The following NOTCH2NLB variants were observed in gnomAD, a reference collection of about 807,000 sequenced individuals.
NOTCH2NLB encodes the protein notch 2 N-terminal like B.
NOTCH2NLB carries 1 observed loss-of-function variant against 14.8 expected under a neutral mutation model. That is an observed-to-expected ratio of 0.07 (90% CI 0.02 to 0.32). The LOEUF is 0.32. Among genes scored for constraint, NOTCH2NLB ranks in the 10% least tolerant of loss-of-function variants. NOTCH2NLB has a pLI of 1.00. For synonymous variants in NOTCH2NLB, 6 were observed against 57.5 expected (o/e 0.10, Z 4.05); for missense variants, 11 against 155.0 (o/e 0.07, Z 4.93).
Position 148,679,541 on chromosome 1 carries a change from G to A in NOTCH2NLB, c.-77C>T. On this transcript the variant is annotated 5_prime_UTR_variant, in exon 1 of 5. The change creates a premature stop within an existing upstream ORF in the 5' untranslated region. Coordinates refer to ENST00000593495, the Ensembl canonical transcript of NOTCH2NLB. ...CGGGGCGCAGGGCGGGCATCTTCTC[G>A]GTCGCCTCCTCCGCCGCCGCCGCCT... The A allele has an allele frequency of 8.8e-7, 1 of 1,131,702 alleles. No individual in the cohort carries two copies. The highest frequency in any genetic ancestry group is 1.1e-6 in the Non-Finnish European group (1 of 873,474). The allele number at this position is 1,131,702 out of a possible 1,614,324, so 70.1% of individuals were successfully genotyped here. A position where few individuals can be genotyped will look rare whatever the true frequency, so the allele number is the denominator to read the frequency against.
intron 1 of NOTCH2NLB, among the ~76,000 whole-genome samples, chr1:148,670,282 T>C (rs1267180612): frequency 2.4e-5 from 3 of 123,986 alleles, no homozygotes. Flanking sequence ...AAAGAGCTTT[T>C]TCAAACCAGT....
At chr1:148,661,068 C>T (rs1664670359) in intron 1 of NOTCH2NLB, among the ~76,000 whole-genome samples, 1 of 146,504 alleles carries the variant, frequency 6.8e-6, no homozygotes, top group Admixed American at 6.8e-5. Context: ...TTCATGTGGC[C>T]TCAAAGAAAT....
chr1:148,674,859 CA>C (rs1278629441), intron 1 of NOTCH2NLB, among the ~76,000 whole-genome samples: 1 of 133,608 alleles, frequency 7.5e-6, no homozygotes, highest in African/African-American at 2.7e-5. Flanking sequence ...TCTCTTGGTT[CA>C]AAAAAAAAAA....
chr1:148,658,598 T>G (rs1664573868), intron 1 of NOTCH2NLB, among the ~76,000 whole-genome samples: 1 of 51,836 alleles, frequency 1.9e-5, no homozygotes, highest in Non-Finnish European at 3.3e-5. Flanking sequence ...GATCTTGCTC[T>G]GTCACCCAGA....
intron 1 of NOTCH2NLB, among the ~76,000 whole-genome samples, chr1:148,661,380 T>C (rs1332914776): frequency 6.7e-6 from 1 of 149,948 alleles, no homozygotes; most frequent in Non-Finnish European, 1.5e-5. Context: ...ACACACAGAG[T>C]TAAATCAGAG....
exon 1 of NOTCH2NLB, chr1:148,679,728 A>C: frequency 1.0e-6 from 1 of 992,026 alleles, no homozygotes; most frequent in Non-Finnish European, 1.3e-6. Context: ...CCGCCGCCTC[A>C]GCCGCCCGAA....
At chr1:148,616,538 TG>T (rs1663802403) in intron 2 of NOTCH2NLB, among the ~76,000 whole-genome samples, 1 of 151,298 alleles carries the variant, frequency 6.6e-6, no homozygotes, top group Non-Finnish European at 1.5e-5. Flanking sequence ...TATGTTCAGG[TG>T]GCTGACATTA....
chr1:148,679,555 C>T lies in NOTCH2NLB; in HGVS notation c.-91G>A, dbSNP rs1482251712. 3.5e-6 allele frequency: 4 copies of T among 1,131,216 alleles called. 1 individual carries two copies. Among genetic ancestry groups the T allele is most frequent in the Admixed American group, 3.4e-5 (1 of 29,266 alleles). The allele number at this position is 1,131,216 out of a possible 1,614,324, so 70.1% of individuals were successfully genotyped here. A position where few individuals can be genotyped will look rare whatever the true frequency, so the allele number is the denominator to read the frequency against. Reference sequence around the variant, plus strand: ...GGCATCTTCTCGGTCGCCTCCTCCGCCGCCGCCGCCTGGGCAGATCCACAT... The same window carrying T: ...GGCATCTTCTCGGTCGCCTCCTCCGTCGCCGCCGCCTGGGCAGATCCACAT... On this transcript the variant is annotated 5_prime_UTR_variant, in exon 1 of 5. Coordinates refer to ENST00000593495, the Ensembl canonical transcript of NOTCH2NLB.
chr1:148,670,555 T>TATATATATATATATATATATATATAC (rs1664754010), intron 1 of NOTCH2NLB, among the ~76,000 whole-genome samples: 1 of 127,152 alleles, frequency 7.9e-6, no homozygotes, highest in Non-Finnish European at 1.7e-5. Flanking sequence ...TATATATACA[T>TATATATATATATATATATATATATAC]ATATATATAT....
At chr1:148,634,406 CAAG>C (rs1454369214) in intron 2 of NOTCH2NLB, among the ~76,000 whole-genome samples, 2 of 137,616 alleles carry the variant, frequency 1.5e-5, no homozygotes, top group East Asian at 4.3e-4. Flanking sequence ...AATGCACTCA[CAAG>C]AAGGTGAAGG....
chr1:148,693,100 C>G, the NOTCH2NLB span, among the ~76,000 whole-genome samples: 1 of 101,210 alleles, frequency 9.9e-6, no homozygotes, highest in Non-Finnish European at 1.9e-5. Flanking sequence ...CCCCCCCCCC[C>G]CACCATCCAT....
At chr1:148,673,687 A>G (rs1193489810) in intron 1 of NOTCH2NLB, among the ~76,000 whole-genome samples, 1 of 151,232 alleles carries the variant, frequency 6.6e-6, no homozygotes, top group Admixed American at 6.6e-5. Flanking sequence ...CTTATACCAT[A>G]GCAGCTTTCT....
chr1:148,625,584 G>A (rs1477274392), intron 2 of NOTCH2NLB, among the ~76,000 whole-genome samples: 1 of 115,756 alleles, frequency 8.6e-6, no homozygotes, highest in Non-Finnish European at 1.7e-5. Context: ...TACTCCCTCT[G>A]GGCTAGTTTC....
intron 3 of NOTCH2NLB, among the ~76,000 whole-genome samples, chr1:148,615,155 G>A (rs1479940789): frequency 7.1e-5 from 10 of 141,632 alleles, no homozygotes; most frequent in Admixed American, 1.4e-4. Context: ...TTTTTTTTGA[G>A]ACAGGGTCTC....
chr1:148,670,577 TAA>T (rs1270098712), intron 1 of NOTCH2NLB, among the ~76,000 whole-genome samples: 38 of 133,824 alleles, frequency 2.8e-4, no homozygotes, highest in East Asian at 7.0e-4. Context: ...TATATATATA[TAA>T]ATAAATCAAC....
At chr1:148,628,174 A>G (rs1271356245) in intron 2 of NOTCH2NLB, among the ~76,000 whole-genome samples, 2 of 123,868 alleles carry the variant, frequency 1.6e-5, no homozygotes, top group African/African-American at 3.6e-5. Flanking sequence ...CACAGTCCTC[A>G]TTCCCTCTTG....
At chr1:148,610,892 CAAAA>C (rs1213221121) in intron 3 of NOTCH2NLB, among the ~76,000 whole-genome samples, 12 of 34,306 alleles carry the variant, frequency 3.5e-4, no homozygotes, top group East Asian at 2.0e-3. Flanking sequence ...TACTCCATCT[CAAAA>C]AAAAAAAAAA....
At chr1:148,606,590 T>TTTTTATAAGGAGTTG (rs1553339319), downstream of NOTCH2NLB, among the ~76,000 whole-genome samples, 1 of 139,886 alleles carries the variant, frequency 7.1e-6, no homozygotes, top group East Asian at 2.1e-4. Flanking sequence ...CTCCTCATCA[T>TTTTTATAAGGAGTTG]TTTTATAAGG....
the NOTCH2NLB span, among the ~76,000 whole-genome samples, chr1:148,707,630 A>C: frequency 2.2e-5 from 3 of 134,700 alleles, no homozygotes; most frequent in East Asian, 6.8e-4. Flanking sequence ...AAAAATACAA[A>C]AGTTAGGCGG....
Sources: allele counts gnomAD v4.1 joint callset (sites outside exome capture counted in the v4.1 genomes callset), GRCh38; gene constraint gnomAD v4.1.1; transcripts MANE v1.5; gene names NCBI Gene and HGNC (gene_info 2026-07-23, HGNC 2026-07-21).